FAM76B: variants seen among roughly 807,000 people sequenced by gnomAD.
FAM76B encodes protein FAM76B.
Under a neutral mutation model 51.8 loss-of-function variants are expected in FAM76B, and 16 were observed. That is an observed-to-expected ratio of 0.31 (90% CI 0.21 to 0.47). The LOEUF (loss-of-function observed/expected upper bound fraction) is 0.47. FAM76B is among the 20% of genes least tolerant of loss of function. The pLI is 1.00. For synonymous variants in FAM76B, 166 were observed against 129.5 expected (o/e 1.28, Z -1.91); for missense variants, 342 against 392.6 (o/e 0.87, Z 1.09).
chr11:95,777,495 T>C (rs1412441794), intron 8 of FAM76B, among the ~76,000 whole-genome samples: 1 of 151,412 alleles, frequency 6.6e-6, no homozygotes, highest in East Asian at 1.9e-4. Context: ...TGGCATTTTA[T>C]TCAACTTTTC....
intron 5 of FAM76B, among the ~76,000 whole-genome samples, chr11:95,781,595 A>G (rs1349289182): frequency 6.6e-6 from 1 of 152,150 alleles, no homozygotes; most frequent in Non-Finnish European, 1.5e-5. Flanking sequence ...ATTTATCTGT[A>G]AAGAATAGGG....
In FAM76B at chr11:95,789,377, C is replaced by A; in HGVS notation, c.87+15G>T. ...CGAGGACACCCATCCCGCCCGCCTC[C>A]CGGAGCCCACGGACCTTGCAGAGCT... On this transcript the variant is annotated intron_variant, in intron 1 of 9. Transcript: ENST00000358780. 1 of 1,583,834 alleles carries A rather than the reference C, an allele frequency of 6.3e-7. No homozygotes were observed. Among genetic ancestry groups the A allele is most frequent in the East Asian group, 2.3e-5 (1 of 42,746 alleles).
At chr11:95,781,472 C>T (rs1176126421) in intron 5 of FAM76B, among the ~76,000 whole-genome samples, 1 of 152,086 alleles carries the variant, frequency 6.6e-6, no homozygotes, top group East Asian at 1.9e-4. Context: ...ATACTGTTCT[C>T]TTTCCCTTTA....
At position 95,788,678 on chromosome 11, in the gene FAM76B, C is replaced by T. The variant is rs886905005; in HGVS notation, c.88-115G>A. The stretch of plus-strand genomic sequence containing the variant: ...AGTCTAAAACATTTATAAAACCTGG[C>T]CCCAACGTAAAGAACTGGATGCTTT... On this transcript the variant is annotated intron_variant, in intron 1 of 9. Transcript: ENST00000358780. 4.8e-6 allele frequency: 6 copies of T among 1,252,238 alleles called. No individual in the cohort carries two copies. In the Admixed American group the frequency reaches 1.2e-4, roughly 25 times the overall value. 77.6% of individuals were successfully genotyped at this position (1,252,238 alleles called of 1,614,324 possible). A position where few individuals can be genotyped will look rare whatever the true frequency, so the allele number is the denominator to read the frequency against.
chr11:95,789,543 G>C lies in FAM76B; in HGVS notation c.-65C>G. The C allele has an allele frequency of 5.5e-6, 8 of 1,462,436 alleles. No homozygotes were observed. The highest frequency in any genetic ancestry group is 1.5e-5 in the African/African-American group (1 of 68,618). 90.6% of individuals were successfully genotyped at this position (1,462,436 alleles called of 1,614,324 possible). ...AGGCGGGGCCCTACGGAGAACCCGA[G>C]AGCCGCCGCCGCCCGGGCCGCGGGC... On this transcript the variant is annotated 5_prime_UTR_variant, in exon 1 of 10. Coordinates refer to ENST00000358780, the MANE Select transcript of FAM76B (RefSeq NM_144664.5).
intron 5 of FAM76B, among the ~76,000 whole-genome samples, 184 bp downstream of exon 5, chr11:95,782,881 T>A (rs1860349666): frequency 6.6e-6 from 1 of 152,240 alleles, no homozygotes; most frequent in Admixed American, 6.5e-5. Context: ...CAGCTCAACA[T>A]ATTTCATGTA....
rs995164861 is a variant in FAM76B, at chr11:95,789,556, C to G, written c.-78G>C. ...CGGAGAACCCGAGAGCCGCCGCCGC[C>G]CGGGCCGCGGGCTCCTCCTCCTCCC... is the stretch of plus-strand genomic sequence containing the variant. On this transcript the variant is annotated 5_prime_UTR_variant, in exon 1 of 10. Coordinates refer to ENST00000358780, the MANE Select transcript of FAM76B (RefSeq NM_144664.5). 7.3e-7 allele frequency: 1 copy of G among 1,370,458 alleles called. No individual in the cohort carries two copies. The highest frequency in any genetic ancestry group is 1.5e-5 in the African/African-American group (1 of 66,400). 84.9% of individuals were successfully genotyped at this position (1,370,458 alleles called of 1,614,324 possible).
rs1016823858 is a variant in FAM76B at position 95,772,085 on chromosome 11, A to G, written c.931-435T>C. 4.0e-5 allele frequency among the ~76,000 whole-genome samples: 6 copies of G among 151,198 alleles called. No individual in the cohort carries two copies. In the Admixed American group the frequency reaches 4.0e-4, roughly 10 times the overall value. ...GGAGTATTTCCTGGCAAGCTGTATA[A>G]GGTCTTTTTTCTATGTTTACTCTCT... On this transcript the variant is annotated intron_variant, in intron 9 of 9. Coordinates refer to ENST00000358780, the MANE Select transcript of FAM76B (RefSeq NM_144664.5).
chr11:95,777,311 A>G (rs569174838), intron 8 of FAM76B, among the ~76,000 whole-genome samples: 1 of 151,480 alleles, frequency 6.6e-6, no homozygotes, highest in East Asian at 1.9e-4. Context: ...TTCAATCCCC[A>G]TTAGTGTTGT....
At position 95,783,161 on chromosome 11, in the gene FAM76B, G is replaced by A; in HGVS notation, c.467C>T (p.Ser156Leu). 8 of 1,613,748 alleles carry A rather than the reference G, an allele frequency of 5.0e-6. No homozygotes were observed. Among genetic ancestry groups the A allele is most frequent in the Non-Finnish European group, 6.8e-6 (8 of 1,179,784 alleles). Residue 156 changes from serine (S) to leucine (L), a missense_variant, in exon 5 of 10, where the codon TCA (serine) becomes TTA (leucine). Around this residue, in one of 3 missense-constraint regions of FAM76B, gnomAD observed 230 missense variants for 257.4 expected, o/e 0.89. Coordinates refer to ENST00000358780, the MANE Select transcript of FAM76B (RefSeq NM_144664.5). ...RKSLGSSHSN[S>L]SSSSLTEKDQ... ...TTTCTCAGTAAGAGATGAAGAAGAT[G>A]AATTTGAATGTGAAGATCCCAGGCT...
chr11:95,779,885 T>C lies in FAM76B; in HGVS notation c.605A>G (p.Lys202Arg). ...LSPEEEQGLW[K>R]QSHKSSATIQ... is the part of the protein sequence containing the mutation. The stretch of plus-strand genomic sequence containing the variant: ...AATACAGCAATGTATTTACCTCTGT[T>C]TCCACAGTCCCTGCTCTTCTTCTGG... Residue 202 changes from lysine to arginine, a missense_variant, in exon 6 of 10, where the codon AAA (lysine) becomes AGA (arginine). Physicochemically the swap from Lys to Arg is conservative, Grantham distance 26. Transcript: ENST00000358780. The C allele has an allele frequency of 1.2e-6, 2 of 1,605,528 alleles. No homozygotes were observed. Among genetic ancestry groups the C allele is most frequent in the Non-Finnish European group, 1.7e-6 (2 of 1,176,572 alleles).
intron 8 of FAM76B, 30 bp downstream of exon 8, chr11:95,778,792 T>C (rs755460755): frequency 5.1e-6 from 8 of 1,570,866 alleles, no homozygotes; most frequent in Non-Finnish European, 6.0e-6. Context: ...CACATAACTC[T>C]TACCAGGCTT....
At chr11:95,785,020 T>A (rs1392200884) in intron 4 of FAM76B, among the ~76,000 whole-genome samples, 1 of 152,192 alleles carries the variant, frequency 6.6e-6, no homozygotes, top group Non-Finnish European at 1.5e-5. Flanking sequence ...GGGCAATGCT[T>A]CAATACAGTA....
At chr11:95,784,592 A>G (rs1419323571) in intron 4 of FAM76B, among the ~76,000 whole-genome samples, 1 of 148,998 alleles carries the variant, frequency 6.7e-6, no homozygotes, top group Non-Finnish European at 1.5e-5. Flanking sequence ...ACACACACAC[A>G]ATTTTTTTTT....
intron 2 of FAM76B, among the ~76,000 whole-genome samples, chr11:95,787,961 C>T (rs936421951): frequency 1.3e-5 from 2 of 152,222 alleles, no homozygotes; most frequent in Non-Finnish European, 2.9e-5. Flanking sequence ...TACTGCACAG[C>T]ATTACAATAC....
Position 95,770,700 on chromosome 11 carries a change from T to C in FAM76B, c.*861A>G, listed in dbSNP as rs992083368. ...ATCACAAAATTTTCTACAATCTATATGCATTATCAGTTAGTTCTAAATGTA... is the reference window on the plus strand; with the variant it reads ...ATCACAAAATTTTCTACAATCTATACGCATTATCAGTTAGTTCTAAATGTA... On this transcript the variant is annotated 3_prime_UTR_variant, in exon 10 of 10. Coordinates refer to ENST00000358780, the MANE Select transcript of FAM76B (RefSeq NM_144664.5). 1 of 151,790 alleles carries C rather than the reference T, an allele frequency of 6.6e-6. No individual in the cohort carries two copies. The highest frequency in any genetic ancestry group is 1.5e-5 in the Non-Finnish European group (1 of 67,464). 9.4% of individuals were successfully genotyped at this position (151,790 alleles called of 1,614,324 possible). A position where few individuals can be genotyped will look rare whatever the true frequency, so the allele number is the denominator to read the frequency against.
intron 5 of FAM76B, among the ~76,000 whole-genome samples, chr11:95,780,991 G>A (rs1309457513): frequency 6.6e-6 from 1 of 150,734 alleles, no homozygotes; most frequent in Admixed American, 6.6e-5. Flanking sequence ...TACCAAGTTG[G>A]GAAAAAAATG....
chr11:95,778,365 T>C (rs1416763821), intron 8 of FAM76B, among the ~76,000 whole-genome samples: 1 of 151,506 alleles, frequency 6.6e-6, no homozygotes, highest in Non-Finnish European at 1.5e-5. Context: ...TAATTACTAT[T>C]ACTGACTACT....
At chr11:95,787,821 T>G in intron 2 of FAM76B, 143 bp from the exon 3 acceptor site, 2 of 667,980 alleles carry the variant, frequency 3.0e-6, no homozygotes, top group Non-Finnish European at 5.0e-6. Flanking sequence ...ACAAGGATAT[T>G]TTCAGAGTTG....
Sources: gnomAD v4.1 joint callset for allele counts (sites outside exome capture counted in the v4.1 genomes callset) on GRCh38, gnomAD v4.1.1 for gene constraint, gnomAD v4.1.1 regional missense constraint, MANE v1.5 for transcripts, NCBI Gene and HGNC (gene_info 2026-07-23, HGNC 2026-07-21) for gene names.